DPYSL3: variants seen among roughly 807,000 people sequenced by gnomAD.
DPYSL3 encodes the protein dihydropyrimidinase-related protein 3.
DPYSL3 carries 16 observed loss-of-function variants against 66.1 expected under a neutral mutation model. The ratio of observed to expected loss-of-function variants is 0.24; its 90% CI spans 0.16 to 0.37. The LOEUF is 0.37. Ranked by LOEUF, DPYSL3 falls within the 10% of genes least tolerant of loss-of-function variation. The probability of loss-of-function intolerance (pLI) is 1.00; values close to 1 mark genes in which losing one functional copy is unlikely to be tolerated. For synonymous variants in DPYSL3, 338 were observed against 345.1 expected, an observed-to-expected ratio of 0.98 and a Z score of 0.23; for missense variants, 738 against 916.2, an observed-to-expected ratio of 0.81 and a Z score of 2.51.
chr5:147,415,410 T>G (rs1449494471), intron 4 of DPYSL3, among the ~76,000 whole-genome samples: 1 of 152,092 alleles, frequency 6.6e-6, no homozygotes, highest in Non-Finnish European at 1.5e-5. Flanking sequence ...CAATATTGCA[T>G]GGAGGTGAAG....
In DPYSL3 at chr5:147,397,825, A is replaced by G; in HGVS notation, c.1644T>C (p.Phe548=). The change falls in exon 12 of 14, where the codon TTT becomes TTC. Residue 548 remains phenylalanine (F), a synonymous_variant. Coordinates refer to ENST00000343218, the MANE Select transcript of DPYSL3 (RefSeq NM_001197294.2). ...NHQSAAEYNI[F]EGMELRGAPL... ...GAGCCCCGCGCAGCTCCATCCCTTC[A>G]AAGATGTTGTACTCTGCCGCCTAGA... 6.2e-7 allele frequency: 1 copy of G among 1,612,432 alleles called. No individual in the cohort carries two copies. Among genetic ancestry groups the G allele is most frequent in the Non-Finnish European group, 8.5e-7 (1 of 1,179,134 alleles).
At chr5:147,500,250 G>T (rs897117070) in intron 1 of DPYSL3, among the ~76,000 whole-genome samples, 2 of 152,256 alleles carry the variant, frequency 1.3e-5, no homozygotes, top group Non-Finnish European at 2.9e-5. Context: ...TCCACAGACT[G>T]GGAGAAAATA....
chr5:147,501,916 C>T (rs1380205539), intron 1 of DPYSL3, among the ~76,000 whole-genome samples: 1 of 152,174 alleles, frequency 6.6e-6, no homozygotes, highest in African/African-American at 2.4e-5. Flanking sequence ...CTTGACTTCA[C>T]TGTGAATCCA....
At chr5:147,418,670 G>C in intron 2 of DPYSL3, 39 bp from the exon 3 acceptor site, 1 of 1,523,900 alleles carries the variant, frequency 6.6e-7, no homozygotes, top group Non-Finnish European at 8.9e-7. Context: ...TCAAACACTT[G>C]GTCATTTAAA....
chr5:147,477,452 C>T (rs147213397), intron 1 of DPYSL3, among the ~76,000 whole-genome samples: 86 of 150,298 alleles, frequency 5.7e-4, no homozygotes, highest in African/African-American at 1.8e-3. Flanking sequence ...CGGCAATATT[C>T]ACAGAGATAA....
intron 1 of DPYSL3, among the ~76,000 whole-genome samples, chr5:147,455,464 TAA>T (rs1323585844): frequency 2.0e-5 from 3 of 152,192 alleles, no homozygotes; most frequent in African/African-American, 7.2e-5. Context: ...CAAGGGGGAA[TAA>T]AAAGACTGGG....
intron 1 of DPYSL3, among the ~76,000 whole-genome samples, chr5:147,480,648 A>G (rs895522239): frequency 5.3e-5 from 8 of 151,442 alleles, no homozygotes; most frequent in African/African-American, 9.7e-5. Flanking sequence ...ACCACAATCA[A>G]TACAGATTTG....
intron 6 of DPYSL3, among the ~76,000 whole-genome samples, chr5:147,411,111 T>C (rs1751845005): frequency 6.6e-6 from 1 of 152,192 alleles, no homozygotes; most frequent in Non-Finnish European, 1.5e-5. Flanking sequence ...CCTGAAAACT[T>C]GGATAAAGGG....
chr5:147,430,914 A>G (rs1391428192), intron 1 of DPYSL3, among the ~76,000 whole-genome samples: 1 of 152,190 alleles, frequency 6.6e-6, no homozygotes, highest in East Asian at 1.9e-4. Context: ...AGCTCAGAGT[A>G]AAAACTATAA....
intron 1 of DPYSL3, among the ~76,000 whole-genome samples, chr5:147,473,925 A>C (rs192948455): frequency 1.3e-5 from 2 of 152,154 alleles, no homozygotes; most frequent in African/African-American, 2.4e-5. Flanking sequence ...CAAGTATCTT[A>C]ATACTGTAAC....
chr5:147,444,451 C>A (rs1331701567), intron 1 of DPYSL3, among the ~76,000 whole-genome samples: 3 of 152,112 alleles, frequency 2.0e-5, no homozygotes, highest in Non-Finnish European at 2.9e-5. Context: ...CAATAAATAT[C>A]TTTTATGCAA....
At chr5:147,422,331 C>T (rs1752097473) in intron 2 of DPYSL3, among the ~76,000 whole-genome samples, 1 of 152,124 alleles carries the variant, frequency 6.6e-6, no homozygotes, top group African/African-American at 2.4e-5. Flanking sequence ...GAATGGCGAT[C>T]ATTAAGAAGT....
intron 2 of DPYSL3, among the ~76,000 whole-genome samples, chr5:147,422,611 T>C (rs767590249): frequency 6.6e-5 from 10 of 152,136 alleles, no homozygotes; most frequent in South Asian, 6.2e-4. Flanking sequence ...CAAATGCCCA[T>C]TGATGACAGA....
intron 1 of DPYSL3, among the ~76,000 whole-genome samples, chr5:147,477,561 C>CTTTT (rs56406515): frequency 1.4e-4 from 9 of 64,758 alleles, no homozygotes; most frequent in Non-Finnish European, 1.6e-4. Flanking sequence ...ACACCTAAAT[C>CTTTT]TTTTTTTTTT....
At chr5:147,415,353 G>A (rs1751942112) in intron 4 of DPYSL3, among the ~76,000 whole-genome samples, 3 of 152,128 alleles carry the variant, frequency 2.0e-5, no homozygotes, top group Non-Finnish European at 4.4e-5. Flanking sequence ...CCTTATGTAA[G>A]ATTAGTTAGC....
At chr5:147,411,555 AG>A (rs1219364592) in intron 6 of DPYSL3, among the ~76,000 whole-genome samples, 1 of 152,226 alleles carries the variant, frequency 6.6e-6, no homozygotes, top group East Asian at 1.9e-4. Flanking sequence ...TGTATAAAAT[AG>A]GGAGGATGAT....
intron 1 of DPYSL3, among the ~76,000 whole-genome samples, chr5:147,474,580 A>G (rs1001337969): frequency 1.3e-5 from 2 of 152,094 alleles, no homozygotes; most frequent in Non-Finnish European, 2.9e-5. Flanking sequence ...ACTCTATACT[A>G]TCTTCTTTTA....
At position 147,411,419 on chromosome 5, in the gene DPYSL3, T is replaced by C. The variant is rs1482145450; in HGVS notation, c.963+1189A>G. Among the ~76,000 whole-genome samples, 5 of 152,188 alleles carry C rather than the reference T, an allele frequency of 3.3e-5. No individual in the cohort carries two copies. The East Asian group carries it at 9.6e-4, about 29-fold the overall frequency. ...GGCTTGGGAGGCAAGGGATCCCAGA[T>C]ATGCCATCTCTGAGTAAAGATACCC... On this transcript the variant is annotated intron_variant, in intron 6 of 13. Transcript: ENST00000343218.
intron 1 of DPYSL3, among the ~76,000 whole-genome samples, chr5:147,472,152 G>A (rs1475078090): frequency 6.6e-6 from 1 of 152,152 alleles, no homozygotes; most frequent in Admixed American, 6.5e-5. Flanking sequence ...CTAATCCAGA[G>A]ATCCACCATC....
Sources: gnomAD v4.1 joint callset for allele counts (sites outside exome capture counted in the v4.1 genomes callset) on GRCh38, gnomAD v4.1.1 for gene constraint, MANE v1.5 for transcripts, NCBI Gene and HGNC (gene_info 2026-07-23, HGNC 2026-07-21) for gene names.